The following DNAH12 variants were observed in gnomAD, a reference collection of about 807,000 sequenced individuals.
DNAH12 encodes dynein axonemal heavy chain 12.
DNAH12 carries 285 observed loss-of-function variants against 371.5 expected under a neutral mutation model. The observed-to-expected ratio is 0.77, with a 90% CI of 0.70 to 0.85. DNAH12 has a LOEUF of 0.85. Among genes scored for constraint, DNAH12 ranks in the 40% least tolerant of loss-of-function variants. The probability of loss-of-function intolerance (pLI) is 0.00; values close to 1 mark genes in which losing one functional copy is unlikely to be tolerated. For synonymous variants in DNAH12, 1,200 were observed against 1,213.0 expected (o/e 0.99, Z 0.22); for missense variants, 3,611 against 3,689.4 (o/e 0.98, Z 0.55).
At chr3:57,392,422 T>G (rs1413513309) in intron 44 of DNAH12, among the ~76,000 whole-genome samples, 1 of 152,142 alleles carries the variant, frequency 6.6e-6, no homozygotes, top group Admixed American at 6.5e-5. Flanking sequence ...ATCCACATAT[T>G]AGCATTTTAT....
chr3:57,539,378 A>G (rs1317244666), intron 2 of DNAH12, among the ~76,000 whole-genome samples: 1 of 152,216 alleles, frequency 6.6e-6, no homozygotes, highest in Non-Finnish European at 1.5e-5. Context: ...CCCCAGGTTC[A>G]TGATACTCTA....
At chr3:57,514,569 A>G (rs879704967) in intron 4 of DNAH12, among the ~76,000 whole-genome samples, 1 of 152,120 alleles carries the variant, frequency 6.6e-6, no homozygotes, top group Non-Finnish European at 1.5e-5. Context: ...CTTGGAACAG[A>G]CAGAAAGTAT....
intron 12 of DNAH12, among the ~76,000 whole-genome samples, chr3:57,484,065 A>C (rs1464848238): frequency 6.6e-6 from 1 of 151,994 alleles, no homozygotes; most frequent in Non-Finnish European, 1.5e-5. Flanking sequence ...TATTAGAAAA[A>C]AATTTTAGCG....
At chr3:57,422,378 C>T (rs1278238427) in intron 35 of DNAH12, among the ~76,000 whole-genome samples, 1 of 152,056 alleles carries the variant, frequency 6.6e-6, no homozygotes, top group Non-Finnish European at 1.5e-5. Context: ...CAGGCGCCCA[C>T]CACCACGGGG....
chr3:57,365,416 C>T (rs1253992989), intron 57 of DNAH12, among the ~76,000 whole-genome samples: 12 of 152,134 alleles, frequency 7.9e-5, no homozygotes, highest in African/African-American at 2.2e-4. Flanking sequence ...AATATGAACA[C>T]GTAGACACAG....
intron 43 of DNAH12, among the ~76,000 whole-genome samples, chr3:57,394,535 C>G (rs2063697439): frequency 6.6e-6 from 1 of 152,156 alleles, no homozygotes; most frequent in Non-Finnish European, 1.5e-5. Context: ...TTCCCCAAAA[C>G]CCTAGACATA....
At chr3:57,449,551 T>C (rs1201367329) in intron 25 of DNAH12, among the ~76,000 whole-genome samples, 1 of 152,190 alleles carries the variant, frequency 6.6e-6, no homozygotes, top group Non-Finnish European at 1.5e-5. Context: ...CTGGCACTGC[T>C]GGGGGACCCA....
At chr3:57,312,194 C>T (rs888020200) in intron 66 of DNAH12, among the ~76,000 whole-genome samples, 2 of 152,108 alleles carry the variant, frequency 1.3e-5, no homozygotes, top group African/African-American at 4.8e-5. Context: ...CTTTAAGACT[C>T]CCACGTTTTG....
rs535767368 is a variant in DNAH12 at position 57,322,546 on chromosome 3, T to C, written c.10384-63A>G. On this transcript the variant is annotated intron_variant, in intron 64 of 73. Coordinates refer to ENST00000495027, the MANE Select transcript of DNAH12 (RefSeq NM_001366028.2). ...CAAGTGGAGGCTCTAAAAGTGCATA[T>C]ACACGTGGATTAAAAAACAGGCATA... 14 of 1,464,848 alleles carry C rather than the reference T, an allele frequency of 9.6e-6. No homozygotes were observed. In the African/African-American group the frequency reaches 1.3e-4, roughly 13 times the overall value. The allele number at this position is 1,464,848 out of a possible 1,614,324, so 90.7% of individuals were successfully genotyped here. A position where few individuals can be genotyped will look rare whatever the true frequency, so the allele number is the denominator to read the frequency against.
rs564314643 is a variant in DNAH12 at position 57,457,824 on chromosome 3, A to G, written c.3233T>C (p.Leu1078Pro). 1 of 1,551,586 alleles carries G rather than the reference A, an allele frequency of 6.4e-7. No homozygotes were observed. The highest frequency in any genetic ancestry group is 2.0e-5 in the Admixed American group (1 of 50,984). Residue 1078 changes from leucine to proline, a missense_variant, in exon 22 of 74, where the codon CTC becomes CCC. Leu to Pro is a moderately conservative substitution (Grantham distance 98). Coordinates refer to ENST00000495027, the MANE Select transcript of DNAH12 (RefSeq NM_001366028.2). ...ACCCCGCGCTGCAGACGTGGAAATG[A>G]GTGCAATCAGCTCCACTCGCTCGCC... is the stretch of plus-strand genomic sequence containing the variant. ...SEGERVELIA[L>P]ISTSAARGAV...
In DNAH12 at chr3:57,450,358, A is replaced by G. The variant is rs375044223; in HGVS notation, c.3786+2485T>C. Among the ~76,000 whole-genome samples the G allele has an allele frequency of 2.0e-3, 300 of 151,510 alleles. 1 individual carries two copies. Among genetic ancestry groups the G allele is most frequent in the African/African-American group, 6.6e-3 (272 of 41,300 alleles). On this transcript the variant is annotated intron_variant, in intron 25 of 73. Coordinates refer to ENST00000495027, the MANE Select transcript of DNAH12 (RefSeq NM_001366028.2). ...GAGGTAGGGAGTTTGAGACCAGCCT[A>G]CATAACATGGAGAAACCCTGTCTCT...
intron 34 of DNAH12, among the ~76,000 whole-genome samples, chr3:57,426,874 A>G (rs17058131): frequency 6.6e-6 from 1 of 150,514 alleles, no homozygotes; most frequent in Non-Finnish European, 1.5e-5. Context: ...AGAAAGAACT[A>G]TGAGAAGAAA....
At chr3:57,425,357 C>G (rs2064733200) in intron 34 of DNAH12, among the ~76,000 whole-genome samples, 1 of 151,980 alleles carries the variant, frequency 6.6e-6, no homozygotes, top group African/African-American at 2.4e-5. Context: ...AAGGGATCCT[C>G]CTACCTCAGC....
intron 60 of DNAH12, among the ~76,000 whole-genome samples, chr3:57,345,318 A>C (rs782202651): frequency 1.3e-5 from 2 of 152,118 alleles, no homozygotes; most frequent in Non-Finnish European, 2.9e-5. Flanking sequence ...GAAAACTACA[A>C]ACCAAAATCT....
At chr3:57,506,814 T>C (rs1575702682) in intron 8 of DNAH12, among the ~76,000 whole-genome samples, 1 of 152,214 alleles carries the variant, frequency 6.6e-6, no homozygotes, top group East Asian at 1.9e-4. Flanking sequence ...CACTGGAACT[T>C]AGAAACATGC....
rs769307965 is a variant in DNAH12 at position 57,542,772 on chromosome 3, A to T, written c.99T>A (p.Asp33Glu). The change falls in exon 2 of 74, where the codon GAT (aspartate) becomes GAA (glutamate). Residue 33 changes from aspartate to glutamate, a missense_variant. Physicochemically the swap from Asp to Glu is conservative, Grantham distance 45 (BLOSUM62 2). Coordinates refer to ENST00000495027, the MANE Select transcript of DNAH12 (RefSeq NM_001366028.2). ...IVHLPENIGV[D>E]TPTQSKLLKY... ...TTAGCAGCTTACTTTGTGTTGGTGT[A>T]TCAACGCCTATGTTTTCTGGGAGAT... 2 of 1,612,414 alleles carry T rather than the reference A, an allele frequency of 1.2e-6. No homozygotes were observed. Among genetic ancestry groups the T allele is most frequent in the Admixed American group, 3.3e-5 (2 of 59,764 alleles).
At chr3:57,432,235 T>C (rs946395610) in intron 32 of DNAH12, among the ~76,000 whole-genome samples, 2 of 149,058 alleles carry the variant, frequency 1.3e-5, no homozygotes, top group African/African-American at 5.0e-5. Context: ...AGTGGTGTGA[T>C]CTCGGTTAAC....
intron 4 of DNAH12, chr3:57,519,595 G>T: frequency 1.2e-6 from 1 of 850,198 alleles, no homozygotes; most frequent in Non-Finnish European, 2.0e-6. Context: ...GAGTGTTCTA[G>T]CCTTTGAAGG....
chr3:57,525,744 G>T (rs866009807), intron 2 of DNAH12, among the ~76,000 whole-genome samples: 3 of 129,756 alleles, frequency 2.3e-5, no homozygotes, highest in Admixed American at 8.1e-5. Context: ...CTAGCAAATA[G>T]TATGTCTTAT....
Sources: gnomAD v4.1 joint callset for allele counts (sites outside exome capture counted in the v4.1 genomes callset) on GRCh38, gnomAD v4.1.1 for gene constraint, MANE v1.5 for transcripts, NCBI Gene and HGNC (gene_info 2026-07-23, HGNC 2026-07-21) for gene names.